Variants in CAMTA1 observed in about 807,000 individuals in gnomAD.
The protein encoded by CAMTA1 is calmodulin-binding transcription activator 1.
CAMTA1 carries 27 observed loss-of-function variants against 170.9 expected under a neutral mutation model. The observed-to-expected ratio is 0.16, with a 90% CI of 0.12 to 0.22. The LOEUF is 0.22. Among genes scored for constraint, CAMTA1 ranks in the 10% least tolerant of loss-of-function variants. The pLI, the probability that CAMTA1 is intolerant of heterozygous loss-of-function variation, is 1.00. For missense variants in CAMTA1, 1,619 were observed against 2,217.2 expected, an observed-to-expected ratio of 0.73 and a Z score of 5.42; for synonymous variants, 833 against 891.5, an observed-to-expected ratio of 0.93 and a Z score of 1.17.
Position 7,497,532 on chromosome 1 carries a change from T to G in CAMTA1, c.510+29631T>G, listed in dbSNP as rs114473080. On this transcript the variant is annotated intron_variant, in intron 6 of 22. Transcript: ENST00000303635. ...TGGTGCACGGTGCCACAACCACAAA[T>G]CAGCCTTTGTTGCTTCACCCACACG... Among the ~76,000 whole-genome samples, 1,343 of 152,294 alleles carry G rather than the reference T, an allele frequency of 8.8e-3. 22 individuals are homozygous for G. The highest frequency in any genetic ancestry group is 0.03 in the African/African-American group (1,232 of 41,562).
chr1:7,576,157 C>T (rs2095189772), intron 6 of CAMTA1, among the ~76,000 whole-genome samples: 1 of 152,026 alleles, frequency 6.6e-6, no homozygotes, highest in African/African-American at 2.4e-5. Flanking sequence ...TACAGGTGCC[C>T]ACCACCACGC....
chr1:7,193,351 C>CA (rs769225842), intron 4 of CAMTA1, among the ~76,000 whole-genome samples: 398 of 109,020 alleles, frequency 3.7e-3, no homozygotes, highest in South Asian at 6.5e-3. Context: ...GACTCTGTCT[C>CA]AAAAAAAAAA....
rs546577357 is a variant in CAMTA1, at chr1:7,647,727, C to G, written c.664+7174C>G. Among the ~76,000 whole-genome samples, 221 of 152,310 alleles carry G rather than the reference C, an allele frequency of 1.5e-3. 1 individual carries two copies. The highest frequency in any genetic ancestry group is 5.1e-3 in the African/African-American group (214 of 41,570). On this transcript the variant is annotated intron_variant, in intron 7 of 22. Transcript: ENST00000303635. ...GGCTGGGGACGGCGGGCTGGGAGCT[C>G]CGAGCCTGACTAGGAACAGGTATCC... is the stretch of plus-strand genomic sequence containing the variant.
chr1:6,921,564 G>C (rs1468701707), intron 3 of CAMTA1, among the ~76,000 whole-genome samples: 2 of 152,136 alleles, frequency 1.3e-5, no homozygotes, highest in Non-Finnish European at 2.9e-5. Context: ...CCAATTTACT[G>C]TATTAGTCTG....
chr1:7,007,014 A>AT lies in CAMTA1; in HGVS notation c.235-84290_235-84289insT, dbSNP rs1699096941. Among the ~76,000 whole-genome samples, 1 of 152,036 alleles carries AT rather than the reference A, an allele frequency of 6.6e-6. No individual in the cohort carries two copies. On this transcript the variant is annotated intron_variant, in intron 3 of 22. Coordinates refer to ENST00000303635, the MANE Select transcript of CAMTA1 (RefSeq NM_015215.4). This position sits in a 1 kb window ranked among gnomAD's most constrained non-coding sequence, Gnocchi z 4.5. ...AATGTCAGATGGTAGTAAAAAAAAA[A>AT]AAAAAAAATAAGAATTTTTGGATAC...
rs2084845766 is a variant in CAMTA1, at chr1:7,353,437, T to TC, written c.438+103811_438+103812insC. On this transcript the variant is annotated intron_variant, in intron 5 of 22. Coordinates refer to ENST00000303635, the MANE Select transcript of CAMTA1 (RefSeq NM_015215.4). ...TTTTTTTTTTTCTTTCTCTCTTTTT[T>TC]TTTTTGAGACGGAGTTTTACTCTTG... is the stretch of plus-strand genomic sequence containing the variant. 2.0e-5 allele frequency among the ~76,000 whole-genome samples: 3 copies of TC among 150,926 alleles called. No individual in the cohort carries two copies. The South Asian group carries it at 6.3e-4, about 32-fold the overall frequency.
chr1:6,792,120 A>AT (rs1188133647), intron 1 of CAMTA1, among the ~76,000 whole-genome samples: 1 of 151,616 alleles, frequency 6.6e-6, no homozygotes, highest in African/African-American at 2.4e-5. Context: ...TGCCCGGCTA[A>AT]TTTTTTTTCG....
intron 3 of CAMTA1, among the ~76,000 whole-genome samples, chr1:6,894,332 A>T (rs1037618457): frequency 6.6e-6 from 1 of 152,228 alleles, no homozygotes; most frequent in Admixed American, 6.5e-5. Context: ...GCATGGAATA[A>T]AATTTAATTA....
intron 11 of CAMTA1, among the ~76,000 whole-genome samples, chr1:7,683,667 C>T (rs538489757): frequency 8.5e-5 from 13 of 152,300 alleles, no homozygotes; most frequent in Admixed American, 3.9e-4. Context: ...TGGCGTGAGC[C>T]GGTCTTGCAC....
intron 5 of CAMTA1, among the ~76,000 whole-genome samples, chr1:7,408,408 C>T (rs1261656138): frequency 2.0e-5 from 3 of 152,216 alleles, no homozygotes; most frequent in East Asian, 1.9e-4. Context: ...AGGAGCAGCC[C>T]CTCCCCTCCT....
intron 4 of CAMTA1, among the ~76,000 whole-genome samples, chr1:7,225,484 C>T (rs1013946181): frequency 4.6e-5 from 7 of 152,174 alleles, no homozygotes; most frequent in African/African-American, 1.7e-4. Flanking sequence ...CCTGGGAATT[C>T]TTCATTTAAG....
intron 3 of CAMTA1, among the ~76,000 whole-genome samples, chr1:6,868,097 A>G (rs1667206812): frequency 6.7e-6 from 1 of 148,340 alleles, no homozygotes; most frequent in African/African-American, 2.4e-5. Context: ...GAGCCACAGA[A>G]GCGTGCCTGG....
intron 3 of CAMTA1, among the ~76,000 whole-genome samples, chr1:6,975,591 T>G (rs1693275534): frequency 1.3e-5 from 2 of 152,078 alleles, no homozygotes; most frequent in Admixed American, 1.3e-4. Flanking sequence ...ATGGGGAGCG[T>G]GGCAGGAGAG....
chr1:7,127,247 CTTTTTTTTTTTTTT>C (rs61211407), intron 4 of CAMTA1, among the ~76,000 whole-genome samples: 4 of 73,500 alleles, frequency 5.4e-5, no homozygotes, highest in African/African-American at 2.3e-4. Context: ...GCCAGAGGGG[CTTTTTTTTTTTTTT>C]TTTTTTTTTG....
intron 3 of CAMTA1, among the ~76,000 whole-genome samples, chr1:6,980,217 C>T (rs908992597): frequency 3.3e-5 from 5 of 152,132 alleles, no homozygotes; most frequent in South Asian, 2.1e-4. Context: ...GGGGTGGAGT[C>T]GAGGGCAGGT....
chr1:7,054,394 C>G (rs1482647125), intron 3 of CAMTA1, among the ~76,000 whole-genome samples: 2 of 152,262 alleles, frequency 1.3e-5, no homozygotes, highest in Non-Finnish European at 2.9e-5. Context: ...AGGCTTCATT[C>G]CTGCTGGTGC....
rs1004899088 is a variant in CAMTA1, at chr1:6,861,704, A to G, written c.234+36494A>G. On this transcript the variant is annotated intron_variant, in intron 3 of 22. Coordinates refer to ENST00000303635, the MANE Select transcript of CAMTA1 (RefSeq NM_015215.4). ...TGATATGGATTGGCCAAACTGCTTT[A>G]AAAAATTTTTAATTGTGGTAAAATA... is the stretch of plus-strand genomic sequence containing the variant. 9.2e-5 allele frequency among the ~76,000 whole-genome samples: 14 copies of G among 152,212 alleles called. 1 individual carries two copies. Among genetic ancestry groups the G allele is most frequent in the Non-Finnish European group, 1.8e-4 (12 of 68,038 alleles).
chr1:7,247,047 G>A (rs1235580761), intron 4 of CAMTA1, among the ~76,000 whole-genome samples: 1 of 152,172 alleles, frequency 6.6e-6, no homozygotes, highest in Non-Finnish European at 1.5e-5. Flanking sequence ...GCTGTTCCTA[G>A]GACCCTGAGT....
intron 4 of CAMTA1, among the ~76,000 whole-genome samples, chr1:7,184,786 T>A (rs1652915751): frequency 6.6e-6 from 1 of 152,190 alleles, no homozygotes; most frequent in African/African-American, 2.4e-5. Context: ...AGACGAAGCC[T>A]AATGTGGAAT....
Sources: allele counts gnomAD v4.1 joint callset (sites outside exome capture counted in the v4.1 genomes callset), GRCh38; gene constraint gnomAD v4.1.1; non-coding constraint Gnocchi (gnomAD v3.1); transcripts MANE v1.5; gene names NCBI Gene and HGNC (gene_info 2026-07-23, HGNC 2026-07-21).